The following SHC2 variants were observed in gnomAD, a reference collection of about 807,000 sequenced individuals.
SHC2 encodes SHC-transforming protein 2.
Under a neutral mutation model 60.6 loss-of-function variants are expected in SHC2, and 62 were observed. The observed-to-expected ratio is 1.02, with a 90% CI of 0.83 to 1.26. SHC2 has a LOEUF of 1.26. SHC2 is among the 50% of genes most tolerant of loss of function. The pLI, the probability that SHC2 is intolerant of heterozygous loss-of-function variation, is 0.00. For missense variants in SHC2, 873 were observed against 822.2 expected (o/e 1.06, Z -0.76); for synonymous variants, 375 against 372.4 (o/e 1.01, Z -0.08).
intron 1 of SHC2, among the ~76,000 whole-genome samples, chr19:454,146 T>C (rs1975273241): frequency 6.6e-6 from 1 of 152,068 alleles, no homozygotes. Flanking sequence ...CTGTGACCAC[T>C]TGAGAAAAGT....
rs1049586834 is a variant in SHC2, at chr19:424,154, A to G, written c.1309+943T>C. Among the ~76,000 whole-genome samples the G allele has an allele frequency of 1.3e-5, 2 of 152,204 alleles. No individual in the cohort carries two copies. Among genetic ancestry groups the G allele is most frequent in the Non-Finnish European group, 2.9e-5 (2 of 68,042 alleles). Reference sequence around the variant, plus strand: ...CAGAGCCAACACCTCTCCGTGCTGGAGAAGGGCAGAGTCGAGGCTGCAGGA... The same window carrying G: ...CAGAGCCAACACCTCTCCGTGCTGGGGAAGGGCAGAGTCGAGGCTGCAGGA... On this transcript the variant is annotated intron_variant, in intron 10 of 12. Coordinates refer to ENST00000264554, the MANE Select transcript of SHC2 (RefSeq NM_012435.3). This position sits in a 1 kb window ranked among gnomAD's most constrained non-coding sequence, Gnocchi z 4.5.
chr19:459,721 T>A (rs1600337816), intron 1 of SHC2, among the ~76,000 whole-genome samples: 1 of 152,210 alleles, frequency 6.6e-6, no homozygotes, highest in Non-Finnish European at 1.5e-5. Flanking sequence ...CACAGGCTAA[T>A]GTTCCTGGCC....
In SHC2 at chr19:438,765, G is replaced by T; in HGVS notation, c.673C>A (p.His225Asn). 1 of 1,574,298 alleles carries T rather than the reference G, an allele frequency of 6.4e-7. No homozygotes were observed. Among genetic ancestry groups the T allele is most frequent in the Non-Finnish European group, 8.6e-7 (1 of 1,161,322 alleles). ...LRFAGMSISI[H>N]ISTDGLSLSV... Reference sequence around the variant, plus strand: ...AGGCTGAGGCCATCAGTGGAGATGTGGATGGAGATGCTCATGCCGGCAAAG... The same window carrying T: ...AGGCTGAGGCCATCAGTGGAGATGTTGATGGAGATGCTCATGCCGGCAAAG... The change falls in exon 4 of 13, where the codon CAC (histidine) becomes AAC (asparagine). Residue 225 changes from histidine to asparagine, a missense_variant. His to Asn is a moderately conservative substitution (Grantham distance 68, BLOSUM62 1). Coordinates refer to ENST00000264554, the MANE Select transcript of SHC2 (RefSeq NM_012435.3). The surrounding 1 kb of genome is among the most constrained non-coding windows in gnomAD (Gnocchi z 5.0).
At chr19:431,475 A>T (rs28428539) in intron 8 of SHC2, among the ~76,000 whole-genome samples, 29 of 53,570 alleles carry the variant, frequency 5.4e-4, no homozygotes, top group Admixed American at 1.6e-3. Flanking sequence ...TGAGTGAGAG[A>T]TAGAGGAGGC....
At chr19:458,235 G>T (rs1446842263) in intron 1 of SHC2, among the ~76,000 whole-genome samples, 15 of 113,814 alleles carry the variant, frequency 1.3e-4, no homozygotes, top group Middle Eastern at 6.5e-3. Flanking sequence ...TTCCGGCGGA[G>T]GGGGAAGTGG....
Position 422,469 on chromosome 19 carries a change from G to A in SHC2, c.1310-13C>T, listed in dbSNP as rs1347109647. The A allele has an allele frequency of 4.0e-6, 6 of 1,510,622 alleles. No individual in the cohort carries two copies. In the South Asian group the frequency reaches 5.3e-5, roughly 13 times the overall value. 93.6% of individuals were successfully genotyped at this position (1,510,622 alleles called of 1,614,324 possible). A position where few individuals can be genotyped will look rare whatever the true frequency, so the allele number is the denominator to read the frequency against. On this transcript the variant is annotated splice_polypyrimidine_tract_variant and intron_variant, in intron 10 of 12. Coordinates refer to ENST00000264554, the MANE Select transcript of SHC2 (RefSeq NM_012435.3). This position sits in a 1 kb window ranked among gnomAD's most constrained non-coding sequence, Gnocchi z 5.0. Reference sequence around the variant, plus strand: ...TCCTCAAAGGGTCCTGCAGGCCAGGGACAGGAGTGCTGGGCAGGCAGGGGG... The same window carrying A: ...TCCTCAAAGGGTCCTGCAGGCCAGGAACAGGAGTGCTGGGCAGGCAGGGGG...
At chr19:427,983 G>C (rs1398639549) in intron 9 of SHC2, among the ~76,000 whole-genome samples, 3 of 152,104 alleles carry the variant, frequency 2.0e-5, no homozygotes, top group Non-Finnish European at 4.4e-5. Flanking sequence ...AAGAGAAATT[G>C]CACCCCGCAC....
chr19:430,421 C>T (rs1974551598), intron 9 of SHC2, among the ~76,000 whole-genome samples: 1 of 151,836 alleles, frequency 6.6e-6, no homozygotes, highest in African/African-American at 2.4e-5. Context: ...GTGGATGACA[C>T]AGTACCTATA....
chr19:451,562 T>C (rs552840932), intron 1 of SHC2, among the ~76,000 whole-genome samples: 8 of 152,262 alleles, frequency 5.3e-5, no homozygotes, highest in South Asian at 4.1e-4. Context: ...AGAAGTGAAA[T>C]TGGTGGATCA....
In SHC2 at chr19:445,798, C is replaced by T. The variant is rs185591116; in HGVS notation, c.469-4866G>A. Among the ~76,000 whole-genome samples the T allele has an allele frequency of 3.6e-3, 552 of 152,178 alleles. 14 individuals are homozygous for T. Among genetic ancestry groups the T allele is most frequent in the Non-Finnish European group, 6.2e-4 (42 of 67,990 alleles). On this transcript the variant is annotated intron_variant, in intron 1 of 12. Coordinates refer to ENST00000264554, the MANE Select transcript of SHC2 (RefSeq NM_012435.3). This position sits in a 1 kb window ranked among gnomAD's most constrained non-coding sequence, Gnocchi z 4.4. ...CCTGTAATCCCAGCACTTTGGGAGG[C>T]CGAGGTGAGTGGATCACTTGAGGTC...
At chr19:450,871 A>C (rs926588606) in intron 1 of SHC2, among the ~76,000 whole-genome samples, 2 of 144,320 alleles carry the variant, frequency 1.4e-5, no homozygotes, top group Non-Finnish European at 3.0e-5. Flanking sequence ...CAGCGTGTGG[A>C]TGGCCACGCC....
Position 425,140 on chromosome 19 carries a change from G to A in SHC2, c.1266C>T (p.Ala422=). Reference sequence around the variant, plus strand: ...TTTTGGGGCTGTCCTCCGGCTCGGGGGCGTCCAGACCCTGGGTGTTGACAT... The same window carrying A: ...TTTTGGGGCTGTCCTCCGGCTCGGGAGCGTCCAGACCCTGGGTGTTGACAT... ...HLYVNTQGLD[A]PEPEDSPKKD... is the part of the protein sequence containing the mutation. Residue 422 remains alanine, a synonymous_variant, in exon 10 of 13, where the codon GCC becomes GCT. Coordinates refer to ENST00000264554, the MANE Select transcript of SHC2 (RefSeq NM_012435.3). The surrounding 1 kb of genome is among the most constrained non-coding windows in gnomAD (Gnocchi z 4.1). 7.1e-7 allele frequency: 1 copy of A among 1,399,722 alleles called. No individual in the cohort carries two copies. The highest frequency in any genetic ancestry group is 9.4e-7 in the Non-Finnish European group (1 of 1,069,150). The allele number at this position is 1,399,722 out of a possible 1,614,324, so 86.7% of individuals were successfully genotyped here.
chr19:441,965 C>T lies in SHC2; in HGVS notation c.469-1033G>A, dbSNP rs1412971253. ...ACTGTGTGGGCCGGCCCAGGCTCTGCCCCTCTCCACGGCTCCATGTACCTG... is the reference window on the plus strand; with the variant it reads ...ACTGTGTGGGCCGGCCCAGGCTCTGTCCCTCTCCACGGCTCCATGTACCTG... On this transcript the variant is annotated intron_variant, in intron 1 of 12. Transcript: ENST00000264554. The surrounding 1 kb of genome is among the most constrained non-coding windows in gnomAD (Gnocchi z 4.9). Among the ~76,000 whole-genome samples the T allele has an allele frequency of 6.6e-6, 1 of 152,224 alleles. No homozygotes were observed. Among genetic ancestry groups the T allele is most frequent in the African/African-American group, 2.4e-5 (1 of 41,460 alleles).
At position 460,653 on chromosome 19, in the gene SHC2, C is replaced by T. The variant is rs1227439756; in HGVS notation, c.344G>A (p.Gly115Glu). ...RGSRGGRGAA[G>E]SGDAAAAAEW... ...GGCGGCGGCGGCGGCGTCCCCGGAC[C>T]CCGCCGCCCCCCGCCCGCCCCGCGA... The change falls in exon 1 of 13, where the codon GGG becomes GAG. Residue 115 changes from glycine to glutamate, a missense_variant. Coordinates refer to ENST00000264554, the MANE Select transcript of SHC2 (RefSeq NM_012435.3). 2.6e-6 allele frequency: 3 copies of T among 1,166,900 alleles called. No homozygotes were observed. Among genetic ancestry groups the T allele is most frequent in the Non-Finnish European group, 3.2e-6 (3 of 947,246 alleles). 72.3% of individuals were successfully genotyped at this position (1,166,900 alleles called of 1,614,324 possible). A position where few individuals can be genotyped will look rare whatever the true frequency, so the allele number is the denominator to read the frequency against.
At position 422,604 on chromosome 19, in the gene SHC2, G is replaced by A. The variant is rs964368582; in HGVS notation, c.1310-148C>T. 38 of 662,694 alleles carry A rather than the reference G, an allele frequency of 5.7e-5. No homozygotes were observed. Among genetic ancestry groups the A allele is most frequent in the African/African-American group, 9.1e-5 (5 of 54,832 alleles). The allele number at this position is 662,694 out of a possible 1,614,324, so 41.1% of individuals were successfully genotyped here. ...CGAGCGCCCACAGCGTATCAGACTC[G>A]CACTCTGCCCAGCCCCGTGCGTGCG... On this transcript the variant is annotated intron_variant, in intron 10 of 12. Coordinates refer to ENST00000264554, the MANE Select transcript of SHC2 (RefSeq NM_012435.3). The surrounding 1 kb of genome is among the most constrained non-coding windows in gnomAD (Gnocchi z 5.0).
At chr19:427,263 C>T (rs960358309) in intron 9 of SHC2, among the ~76,000 whole-genome samples, 4 of 152,216 alleles carry the variant, frequency 2.6e-5, no homozygotes, top group African/African-American at 9.6e-5. Flanking sequence ...GTGGGCGAGC[C>T]GACTGCACAG....
At position 437,208 on chromosome 19, in the gene SHC2, TTGCGTGGTCATC is replaced by T. The variant is rs368203693; in HGVS notation, c.721-537_721-526del. Among the ~76,000 whole-genome samples, 496 of 152,202 alleles carry T rather than the reference TTGCGTGGTCATC, an allele frequency of 3.3e-3. 2 individuals are homozygous for T. The highest frequency in any genetic ancestry group is 0.011 in the African/African-American group (452 of 41,514). ...TTTGCATGCTCATCTACTTGCTCGT[TTGCGTGGTCATC>T]TGCGTGCTCGTTTGCGAGCTCATCT... is the stretch of plus-strand genomic sequence containing the variant. On this transcript the variant is annotated intron_variant, in intron 4 of 12. Coordinates refer to ENST00000264554, the MANE Select transcript of SHC2 (RefSeq NM_012435.3).
At chr19:420,386 G>A (rs1275112342) in intron 11 of SHC2, among the ~76,000 whole-genome samples, 2 of 152,240 alleles carry the variant, frequency 1.3e-5, no homozygotes, top group Non-Finnish European at 2.9e-5. Flanking sequence ...AGAGCCACCT[G>A]AGGATTCAGC....
Position 422,313 on chromosome 19 carries a change from C to T in SHC2, c.1453G>A (p.Glu485Lys). 6.2e-7 allele frequency: 1 copy of T among 1,611,524 alleles called. No individual in the cohort carries two copies. The highest frequency in any genetic ancestry group is 1.1e-5 in the South Asian group (1 of 90,736). ...CTCATCCGGCCGTGGTACCAGGGCT[C>T]CTGACGCAGCTGTTCCTCCGTGGGG... ...VAPTEEQLRQ[E>K]PWYHGRMSRR... The change falls in exon 11 of 13, where the codon GAG (glutamate) becomes AAG (lysine). Residue 485 changes from glutamate to lysine, a missense_variant. Coordinates refer to ENST00000264554, the MANE Select transcript of SHC2 (RefSeq NM_012435.3). This position sits in a 1 kb window ranked among gnomAD's most constrained non-coding sequence, Gnocchi z 5.0.
Sources: gnomAD v4.1 joint callset for allele counts (sites outside exome capture counted in the v4.1 genomes callset) on GRCh38, gnomAD v4.1.1 for gene constraint, Gnocchi (gnomAD v3.1) non-coding constraint, MANE v1.5 for transcripts, NCBI Gene and HGNC (gene_info 2026-07-23, HGNC 2026-07-21) for gene names.